The following KIF6 variants were observed in gnomAD, a reference collection of about 807,000 sequenced individuals.
KIF6 encodes kinesin family member 6.
Under a neutral mutation model 112.7 loss-of-function variants are expected in KIF6, and 106 were observed. The ratio of observed to expected loss-of-function variants is 0.94; its 90% confidence interval spans 0.80 to 1.11. The LOEUF is 1.11. Ranked by LOEUF, KIF6 falls within the 50% of genes least tolerant of loss-of-function variation. The pLI is 0.00. For synonymous variants in KIF6, 339 were observed against 339.9 expected, an observed-to-expected ratio of 1.00 and a Z score of 0.03; for missense variants, 929 against 964.0, an observed-to-expected ratio of 0.96 and a Z score of 0.48.
At chr6:39,592,405 G>A (rs1169168977) in intron 7 of KIF6, among the ~76,000 whole-genome samples, 2 of 152,178 alleles carry the variant, frequency 1.3e-5, no homozygotes, top group African/African-American at 2.4e-5. Context: ...AATTGGCACT[G>A]ACACCATTAC....
intron 13 of KIF6, among the ~76,000 whole-genome samples, chr6:39,536,200 A>G (rs1376294775): frequency 1.3e-5 from 2 of 152,136 alleles, no homozygotes; most frequent in East Asian, 3.9e-4. Flanking sequence ...AGAAGGCAAG[A>G]AATAACTAAA....
intron 3 of KIF6, among the ~76,000 whole-genome samples, chr6:39,666,246 G>A (rs576944962): frequency 1.7e-4 from 26 of 152,192 alleles, no homozygotes; most frequent in African/African-American, 4.8e-4. Flanking sequence ...TGTCATTATG[G>A]TTTGGCAATT....
chr6:39,451,635 G>A (rs997373056), intron 13 of KIF6, among the ~76,000 whole-genome samples: 1 of 152,160 alleles, frequency 6.6e-6, no homozygotes, highest in African/African-American at 2.4e-5. Flanking sequence ...TGTGTGGTAA[G>A]GCTGAGGGAG....
chr6:39,561,735 T>G (rs1426365712), intron 10 of KIF6, among the ~76,000 whole-genome samples: 2 of 152,160 alleles, frequency 1.3e-5, no homozygotes, highest in African/African-American at 4.8e-5. Context: ...CTTTGGAGGC[T>G]GAAAGCCCAG....
At chr6:39,631,026 G>C (rs1012399677) in intron 5 of KIF6, among the ~76,000 whole-genome samples, 2 of 151,912 alleles carry the variant, frequency 1.3e-5, no homozygotes, top group Non-Finnish European at 2.9e-5. Flanking sequence ...AATCTCACTT[G>C]GCTGTAGTAT....
At chr6:39,652,718 C>A (rs1175213995) in intron 3 of KIF6, among the ~76,000 whole-genome samples, 2 of 152,078 alleles carry the variant, frequency 1.3e-5, no homozygotes, top group African/African-American at 2.4e-5. Flanking sequence ...TATTCTGAGA[C>A]TTCTATTATC....
chr6:39,532,868 C>T (rs1320433436), intron 13 of KIF6, among the ~76,000 whole-genome samples: 1 of 152,198 alleles, frequency 6.6e-6, no homozygotes, highest in East Asian at 1.9e-4. Flanking sequence ...TTCCATAGAT[C>T]TGGTTCCTCA....
intron 13 of KIF6, among the ~76,000 whole-genome samples, chr6:39,535,821 C>T (rs1415024408): frequency 1.3e-5 from 2 of 150,976 alleles, no homozygotes; most frequent in Admixed American, 6.6e-5. Flanking sequence ...AAGTAAAGCT[C>T]TCCTCAGCAA....
intron 2 of KIF6, among the ~76,000 whole-genome samples, chr6:39,719,011 A>G (rs1187750186): frequency 6.6e-6 from 1 of 152,180 alleles, no homozygotes; most frequent in East Asian, 1.9e-4. Context: ...CAACAAAAAA[A>G]GCAAATAAGA....
intron 15 of KIF6, among the ~76,000 whole-genome samples, chr6:39,412,613 G>T (rs1769566862): frequency 6.6e-6 from 1 of 152,048 alleles, no homozygotes; most frequent in African/African-American, 2.4e-5. Context: ...TCTTTAACAG[G>T]AATTATCTCA....
At chr6:39,707,733 A>G (rs1046917817) in intron 3 of KIF6, among the ~76,000 whole-genome samples, 3 of 152,232 alleles carry the variant, frequency 2.0e-5, no homozygotes, top group Non-Finnish European at 4.4e-5. Context: ...AAAGATTTCT[A>G]ATTTTTTCAT....
chr6:39,409,511 T>A (rs1188730834), intron 15 of KIF6, among the ~76,000 whole-genome samples: 1 of 152,246 alleles, frequency 6.6e-6, no homozygotes, highest in Non-Finnish European at 1.5e-5. Flanking sequence ...GCTGAGTCCC[T>A]GAGGATGGAC....
chr6:39,555,911 C>T (rs530575093), intron 10 of KIF6, among the ~76,000 whole-genome samples: 3 of 148,852 alleles, frequency 2.0e-5, no homozygotes, highest in East Asian at 3.9e-4. Flanking sequence ...CCAAGATCAC[C>T]CCACTGCACT....
intron 14 of KIF6, among the ~76,000 whole-genome samples, chr6:39,426,249 C>T (rs1770756802): frequency 1.3e-5 from 2 of 152,182 alleles, no homozygotes; most frequent in South Asian, 4.1e-4. Context: ...CAATTGTTCT[C>T]TGCTGAAAAA....
At chr6:39,636,715 T>C (rs1168818480) in intron 4 of KIF6, among the ~76,000 whole-genome samples, 3 of 152,028 alleles carry the variant, frequency 2.0e-5, no homozygotes, top group Non-Finnish European at 4.4e-5. Flanking sequence ...TTTGGCAACA[T>C]TCTGAGATCC....
At chr6:39,660,918 G>A (rs1786103492) in intron 3 of KIF6, among the ~76,000 whole-genome samples, 1 of 152,140 alleles carries the variant, frequency 6.6e-6, no homozygotes. Context: ...CTGCCTGTGA[G>A]TCCCCATGAA....
At position 39,342,964 on chromosome 6, in the gene KIF6, T is replaced by C. The variant is rs1252620653; in HGVS notation, c.2428+745A>G. On this transcript the variant is annotated intron_variant, in intron 22 of 22. Transcript: ENST00000287152. This position sits in a 1 kb window ranked among gnomAD's most constrained non-coding sequence, Gnocchi z 4.7. ...CGGTGGGGGCGCCTTTCTGGCAATG[T>C]GAAGGCAATGTTAAGCCTGCCTAGT... 8 of 985,274 alleles carry C rather than the reference T, an allele frequency of 8.1e-6. No individual in the cohort carries two copies. In the African/African-American group the frequency reaches 1.0e-4, roughly 13 times the overall value. The allele number at this position is 985,274 out of a possible 1,614,324, so 61.0% of individuals were successfully genotyped here. A position where few individuals can be genotyped will look rare whatever the true frequency, so the allele number is the denominator to read the frequency against.
At chr6:39,684,276 T>C (rs1359181046) in intron 3 of KIF6, among the ~76,000 whole-genome samples, 1 of 152,048 alleles carries the variant, frequency 6.6e-6, no homozygotes, top group Non-Finnish European at 1.5e-5. Flanking sequence ...CCAAGGCAGG[T>C]GGTTTGCTTG....
At chr6:39,576,393 G>A (rs1412677614) in intron 10 of KIF6, among the ~76,000 whole-genome samples, 1 of 152,080 alleles carries the variant, frequency 6.6e-6, no homozygotes, top group Non-Finnish European at 1.5e-5. Context: ...CAAAGTGCTG[G>A]GATTACAGAT....
Sources: gnomAD v4.1 joint callset for allele counts (sites outside exome capture counted in the v4.1 genomes callset) on GRCh38, gnomAD v4.1.1 for gene constraint, Gnocchi (gnomAD v3.1) non-coding constraint, MANE v1.5 for transcripts, NCBI Gene and HGNC (gene_info 2026-07-23, HGNC 2026-07-21) for gene names.